The following KDM6A variants were observed in gnomAD, a reference collection of about 807,000 sequenced individuals.
KDM6A encodes lysine demethylase 6A.
In KDM6A, 11 loss-of-function variants were observed where a neutral mutation model predicts 117.6. The observed-to-expected ratio is 0.09, with a 90% confidence interval of 0.06 to 0.15. The LOEUF is 0.15. KDM6A is among the 10% of genes least tolerant of loss of function. The pLI is 1.00. For synonymous variants in KDM6A, 384 were observed against 396.1 expected (o/e 0.97, Z 0.36); for missense variants, 799 against 1,077.3 (o/e 0.74, Z 3.62).
rs1239946114 is a variant in KDM6A, at chrX:45,040,748, T to C, written c.654+3059T>C. Reference sequence around the variant, plus strand: ...CTGACCCCCCCACCTCCCTCCTGGATGGGGCGGCTGGCCGGGCGGGGGGCT... The same window carrying C: ...CTGACCCCCCCACCTCCCTCCTGGACGGGGCGGCTGGCCGGGCGGGGGGCT... On this transcript the variant is annotated intron_variant, in intron 8 of 29. Coordinates refer to ENST00000611820, the MANE Select transcript of KDM6A (RefSeq NM_001291415.2). Among the ~76,000 whole-genome samples, 58 of 34,044 alleles carry C rather than the reference T, an allele frequency of 1.7e-3. 2 individuals are homozygous for C. The highest frequency in any genetic ancestry group is 2.2e-3 in the African/African-American group (17 of 7,897). 29.6% of individuals were successfully genotyped at this position (34,044 alleles called of 115,157 possible). A position where few individuals can be genotyped will look rare whatever the true frequency, so the allele number is the denominator to read the frequency against.
chrX:45,051,416 A>G (rs1290233891), intron 8 of KDM6A, among the ~76,000 whole-genome samples: 1 of 111,652 alleles, frequency 9.0e-6, no homozygotes. Context: ...AATTGAGACC[A>G]CTTATGTTAT....
intron 2 of KDM6A, among the ~76,000 whole-genome samples, chrX:44,954,842 G>C: frequency 1.8e-5 from 2 of 111,326 alleles, no homozygotes; most frequent in Non-Finnish European, 3.8e-5. Flanking sequence ...GACCAGTCAA[G>C]GAGCAACAAG....
At chrX:45,063,147 C>T (rs773663755) in intron 16 of KDM6A, among the ~76,000 whole-genome samples, 9 of 110,114 alleles carry the variant, frequency 8.2e-5, no homozygotes, top group Non-Finnish European at 1.5e-4. Context: ...CTATAATTTT[C>T]AGCTGCTTCC....
At chrX:45,038,652 G>A (rs890224086) in intron 8 of KDM6A, among the ~76,000 whole-genome samples, 2 of 108,822 alleles carry the variant, frequency 1.8e-5, no homozygotes, top group Non-Finnish European at 3.8e-5. Flanking sequence ...CCTAATGCAC[G>A]TGGGGCTTAA....
chrX:44,919,714 C>T (rs2035787697), intron 2 of KDM6A, among the ~76,000 whole-genome samples: 1 of 105,191 alleles, frequency 9.5e-6, no homozygotes, highest in African/African-American at 3.6e-5. Context: ...GATCTTGGCT[C>T]ATTGCAACCT....
intron 2 of KDM6A, among the ~76,000 whole-genome samples, chrX:44,910,993 G>A (rs1168177413): frequency 4.5e-5 from 5 of 112,276 alleles, no homozygotes; most frequent in Non-Finnish European, 5.6e-5. Context: ...ATCATGGCCC[G>A]TTCTCAATGA....
intron 4 of KDM6A, among the ~76,000 whole-genome samples, chrX:44,987,716 A>T (rs1161312383): frequency 9.0e-6 from 1 of 111,550 alleles, no homozygotes; most frequent in Non-Finnish European, 1.9e-5. Context: ...TCTTTTCTTT[A>T]AGAATGTTGA....
At chrX:45,100,444 C>CT (rs2046296001) in intron 27 of KDM6A, among the ~76,000 whole-genome samples, 1 of 112,124 alleles carries the variant, frequency 8.9e-6, no homozygotes, top group Non-Finnish European at 1.9e-5. Flanking sequence ...TCACCAGCAA[C>CT]TTTGTGAGTT....
chrX:45,038,668 A>G (rs752103122), intron 8 of KDM6A, among the ~76,000 whole-genome samples: 85 of 109,616 alleles, frequency 7.8e-4, no homozygotes, highest in African/African-American at 2.8e-3. Context: ...CTTAAAACCT[A>G]GATGATGGGG....
At chrX:45,037,521 G>A (rs2042869192) in intron 7 of KDM6A, 134 bp from the exon 8 acceptor site, 1 of 482,607 alleles carries the variant, frequency 2.1e-6, no homozygotes, top group African/African-American at 2.4e-5. Flanking sequence ...GCAAATAAAA[G>A]TTATGTTTTT....
intron 8 of KDM6A, among the ~76,000 whole-genome samples, chrX:45,044,450 A>G (rs1438031442): frequency 1.8e-5 from 2 of 111,742 alleles, no homozygotes; most frequent in Non-Finnish European, 3.8e-5. Flanking sequence ...TAGATAATCC[A>G]AAATGAAAAG....
chrX:45,047,238 T>C (rs755745939), intron 8 of KDM6A, among the ~76,000 whole-genome samples: 2 of 110,651 alleles, frequency 1.8e-5, no homozygotes, highest in Non-Finnish European at 3.8e-5. Context: ...ATTTTTTTTT[T>C]ATCAGTTTTG....
chrX:45,042,242 GAA>G (rs1569528613), intron 8 of KDM6A, among the ~76,000 whole-genome samples: 68 of 76,807 alleles, frequency 8.9e-4, no homozygotes, highest in African/African-American at 4.3e-3. Context: ...GGAGACCGTG[GAA>G]GGAGACCGTG....
chrX:44,977,429 G>GTTTTTTTTTTTTTTTTTTTT (rs202089775), intron 4 of KDM6A, among the ~76,000 whole-genome samples: 1 of 106,143 alleles, frequency 9.4e-6, no homozygotes, highest in African/African-American at 3.4e-5. Context: ...TAATTTTTAA[G>GTTTTTTTTTTTTTTTTTTTT]TTTTTTTTTT....
chrX:45,083,968 A>G (rs1019978715), intron 24 of KDM6A, among the ~76,000 whole-genome samples: 1 of 112,154 alleles, frequency 8.9e-6, no homozygotes, highest in Non-Finnish European at 1.9e-5. Flanking sequence ...AGTATGTTTT[A>G]TATGTAACCG....
chrX:44,915,148 G>A (rs953124847), intron 2 of KDM6A, among the ~76,000 whole-genome samples: 6 of 111,250 alleles, frequency 5.4e-5, no homozygotes, highest in African/African-American at 1.6e-4. Flanking sequence ...TTCTGTGAGC[G>A]GTGATAATAC....
intron 3 of KDM6A, among the ~76,000 whole-genome samples, chrX:44,964,664 TATTC>T (rs2038916749): frequency 9.0e-6 from 1 of 111,398 alleles, no homozygotes; most frequent in Non-Finnish European, 1.9e-5. Context: ...GGGCTGAAAA[TATTC>T]AGTCGACTGT....
At chrX:44,911,064 G>A (rs185080986) in intron 2 of KDM6A, among the ~76,000 whole-genome samples, 66 of 107,150 alleles carry the variant, frequency 6.2e-4, no homozygotes, top group Non-Finnish European at 9.7e-4. Context: ...TCACTTCCCA[G>A]AAGGGGCAGC....
chrX:45,033,915 A>G (rs966225136), intron 6 of KDM6A, among the ~76,000 whole-genome samples: 17 of 110,997 alleles, frequency 1.5e-4, no homozygotes, highest in African/African-American at 5.6e-4. Context: ...GATGTTTTCT[A>G]ATTTTCCTTC....
Sources: allele counts gnomAD v4.1 joint callset (sites outside exome capture counted in the v4.1 genomes callset), GRCh38; gene constraint gnomAD v4.1.1; transcripts MANE v1.5; gene names NCBI Gene and HGNC (gene_info 2026-07-23, HGNC 2026-07-21).